RIMS2: variants seen among roughly 807,000 people sequenced by gnomAD.
The protein encoded by RIMS2 is regulating synaptic membrane exocytosis protein 2.
Under a neutral mutation model 174.4 loss-of-function variants are expected in RIMS2, and 59 were observed. That is an observed-to-expected ratio of 0.34 (90% CI 0.27 to 0.42). RIMS2 has a LOEUF of 0.42. Among genes scored for constraint, RIMS2 ranks in the 10% least tolerant of loss-of-function variants. RIMS2 has a pLI of 1.00. For synonymous variants in RIMS2, 606 were observed against 572.5 expected (o/e 1.06, Z -0.84); for missense variants, 1,620 against 1,666.3 (o/e 0.97, Z 0.48).
intron 4 of RIMS2, among the ~76,000 whole-genome samples, chr8:103,898,879 C>G (rs1287387389): frequency 2.6e-5 from 4 of 151,290 alleles, no homozygotes; most frequent in African/African-American, 9.8e-5. Context: ...CCCACTCCCC[C>G]CACCCCACAA....
At chr8:104,041,427 T>C (rs2096606996) in intron 19 of RIMS2, 69 bp downstream of exon 22, 1 of 641,666 alleles carries the variant, frequency 1.6e-6, no homozygotes, top group Admixed American at 2.3e-5. Flanking sequence ...TTTAATCATT[T>C]TTTTACTCAT....
exon 16 of RIMS2, chr8:103,975,440 C>G: frequency 1.2e-6 from 2 of 1,612,248 alleles, no homozygotes; most frequent in Non-Finnish European, 1.7e-6. Context: ...CCATCAGGGT[C>G]TCCTCATCGA....
intron 19 of RIMS2, among the ~76,000 whole-genome samples, chr8:104,030,661 G>A (rs193149929): frequency 1.1e-3 from 175 of 152,208 alleles, no homozygotes; most frequent in Non-Finnish European, 1.8e-3. Flanking sequence ...TGCACATGCT[G>A]CTCCTCTGCC....
intron 3 of RIMS2, among the ~76,000 whole-genome samples, chr8:103,834,506 C>T (rs530506640): frequency 2.0e-5 from 3 of 151,162 alleles, no homozygotes; most frequent in African/African-American, 7.3e-5. Context: ...CTCAGAAGAG[C>T]TCCTTGAAGT....
intron 19 of RIMS2, among the ~76,000 whole-genome samples, chr8:104,186,054 C>G (rs1427243140): frequency 6.6e-6 from 1 of 151,282 alleles, no homozygotes; most frequent in Admixed American, 6.6e-5. Context: ...ACTATTCAGC[C>G]ATAAAAAAAG....
At chr8:103,616,717 A>C (rs892280681) in intron 1 of RIMS2, among the ~76,000 whole-genome samples, 1 of 152,172 alleles carries the variant, frequency 6.6e-6, no homozygotes, top group Non-Finnish European at 1.5e-5. Flanking sequence ...TAGTATTTCC[A>C]TGCACCAACA....
chr8:103,984,310 A>G (rs2094176188), intron 16 of RIMS2, among the ~76,000 whole-genome samples: 2 of 152,226 alleles, frequency 1.3e-5, no homozygotes. Context: ...CCATCTCAGA[A>G]GGGATTAATA....
At chr8:103,624,193 A>G (rs750477166) in intron 1 of RIMS2, among the ~76,000 whole-genome samples, 2 of 152,164 alleles carry the variant, frequency 1.3e-5, no homozygotes, top group Non-Finnish European at 2.9e-5. Context: ...TTTCCAGTTG[A>G]GATTAGCATT....
intron 1 of RIMS2, among the ~76,000 whole-genome samples, chr8:103,570,747 C>G (rs2132331490): frequency 1.3e-5 from 2 of 152,192 alleles, no homozygotes; most frequent in Admixed American, 1.3e-4. Context: ...TTATTGAGCA[C>G]CTACTAAGTA....
rs191998213 is a variant in RIMS2 at position 103,655,791 on chromosome 8, C to T, written c.177-41295C>T. Among the ~76,000 whole-genome samples, 5 of 151,994 alleles carry T rather than the reference C, an allele frequency of 3.3e-5. No homozygotes were observed. In the East Asian group the frequency reaches 5.8e-4, roughly 18 times the overall value. ...GTATAGTAGATGAGAGGGAGTGTGGCAGGAGATGAGGTTCCAGAGGTAGGA... is the reference window on the plus strand; with the variant it reads ...GTATAGTAGATGAGAGGGAGTGTGGTAGGAGATGAGGTTCCAGAGGTAGGA... On this transcript the variant is annotated intron_variant, in intron 1 of 23. Coordinates refer to ENST00000504942, the Ensembl canonical transcript of RIMS2.
intron 2 of RIMS2, among the ~76,000 whole-genome samples, chr8:103,712,911 TTAAAA>T (rs1024212063): frequency 6.6e-6 from 1 of 152,234 alleles, no homozygotes; most frequent in Non-Finnish European, 1.5e-5. Context: ...TTTTTTGAAG[TTAAAA>T]TAAAAGTGTA....
intron 19 of RIMS2, among the ~76,000 whole-genome samples, chr8:104,054,176 C>A (rs769865120): frequency 5.3e-5 from 8 of 152,166 alleles, no homozygotes; most frequent in Non-Finnish European, 1.2e-4. Flanking sequence ...AGAGTAACCC[C>A]ATCTAATTGT....
At chr8:104,191,914 T>C (rs1463344183) in intron 19 of RIMS2, among the ~76,000 whole-genome samples, 1 of 152,140 alleles carries the variant, frequency 6.6e-6, no homozygotes, top group African/African-American at 2.4e-5. Context: ...CACAAAATTA[T>C]ATTTAAGTAA....
At chr8:103,507,120 G>A (rs1211508557) in intron 1 of RIMS2, among the ~76,000 whole-genome samples, 1 of 152,082 alleles carries the variant, frequency 6.6e-6, no homozygotes, top group South Asian at 2.1e-4. Context: ...ATTGAGCTTA[G>A]AATGCTGATC....
intron 19 of RIMS2, among the ~76,000 whole-genome samples, chr8:104,207,370 A>G (rs2099085218): frequency 6.6e-6 from 1 of 152,172 alleles, no homozygotes; most frequent in South Asian, 2.1e-4. Flanking sequence ...ATTCTTAATG[A>G]CTTTGTAGAT....
rs150609701 is a variant in RIMS2 at position 103,564,645 on chromosome 8, G to A, written c.176+63583G>A. 4.2e-3 allele frequency among the ~76,000 whole-genome samples: 639 copies of A among 152,304 alleles called. 4 individuals are homozygous for A. The highest frequency in any genetic ancestry group is 0.015 in the African/African-American group (608 of 41,554). On this transcript the variant is annotated intron_variant, in intron 1 of 23. Transcript: ENST00000504942. ...TGAGGGCAGGAAACATCCAGCATGG[G>A]AGAAAGATGAAGTCCAGAAGCGTTG... is the stretch of plus-strand genomic sequence containing the variant.
At chr8:104,124,066 G>A (rs2098408188) in intron 19 of RIMS2, among the ~76,000 whole-genome samples, 3 of 152,064 alleles carry the variant, frequency 2.0e-5, no homozygotes, top group Admixed American at 6.6e-5. Context: ...TAATTTAAAA[G>A]CAGCCAGTGC....
At chr8:103,669,927 G>A (rs1051822496) in intron 1 of RIMS2, among the ~76,000 whole-genome samples, 1 of 152,196 alleles carries the variant, frequency 6.6e-6, no homozygotes, top group African/African-American at 2.4e-5. Flanking sequence ...GCTCCACTAG[G>A]CAGTGCCCCA....
chr8:103,599,529 C>T (rs934156819), intron 1 of RIMS2, among the ~76,000 whole-genome samples: 1 of 151,552 alleles, frequency 6.6e-6, no homozygotes, highest in African/African-American at 2.4e-5. Flanking sequence ...ACCCTCACCT[C>T]CTGGGCTCAG....
Sources: gnomAD v4.1 joint callset for allele counts (sites outside exome capture counted in the v4.1 genomes callset) on GRCh38, gnomAD v4.1.1 for gene constraint, MANE v1.5 for transcripts, NCBI Gene and HGNC (gene_info 2026-07-23, HGNC 2026-07-21) for gene names.